The following GIGYF2 variants were observed in gnomAD, a reference collection of about 807,000 sequenced individuals.
GIGYF2 encodes the protein GRB10-interacting GYF protein 2.
In GIGYF2, 25 loss-of-function variants were observed where a neutral mutation model predicts 208.1. The ratio of observed to expected loss-of-function variants is 0.12; its 90% CI spans 0.09 to 0.17. The LOEUF (loss-of-function observed/expected upper bound fraction) is 0.17. Among genes scored for constraint, GIGYF2 ranks in the 10% least tolerant of loss-of-function variants. The pLI is 1.00. For missense variants in GIGYF2, 1,302 were observed against 1,579.4 expected, an observed-to-expected ratio of 0.82 and a Z score of 2.98; for synonymous variants, 534 against 543.8, an observed-to-expected ratio of 0.98 and a Z score of 0.25.
intron 14 of GIGYF2, among the ~76,000 whole-genome samples, chr2:232,805,836 A>G (rs1376419848): frequency 6.6e-6 from 1 of 152,158 alleles, no homozygotes; most frequent in Non-Finnish European, 1.5e-5. Flanking sequence ...TCTGAAGTGG[A>G]AGTTCCAGGG....
intron 19 of GIGYF2, chr2:232,815,960 C>T (rs1014214592): frequency 3.8e-6 from 2 of 531,784 alleles, no homozygotes; most frequent in Admixed American, 6.3e-5. Context: ...GGTTAGTTGG[C>T]ACATTGTTGA....
intron 14 of GIGYF2, among the ~76,000 whole-genome samples, chr2:232,800,032 A>G (rs1332916230): frequency 6.7e-6 from 1 of 150,084 alleles, no homozygotes; most frequent in Non-Finnish European, 1.5e-5. Context: ...CTAATCCCTT[A>G]TAAGATATAT....
At chr2:232,810,368 T>C (rs1329192569) in intron 16 of GIGYF2, 1 of 155,440 alleles carries the variant, frequency 6.4e-6, no homozygotes, top group African/African-American at 2.4e-5. Flanking sequence ...AAGTGCCTCC[T>C]GAGTGGCTCA....
In GIGYF2 at chr2:232,854,508, A is replaced by G. The variant is rs549245112; in HGVS notation, c.3833-2285A>G. Among the ~76,000 whole-genome samples the G allele has an allele frequency of 9.2e-5, 14 of 152,114 alleles. No individual in the cohort carries two copies. In the South Asian group the frequency reaches 1.2e-3, roughly 14 times the overall value. ...ACCTTGTCTTTAAAAATACATATAT[A>G]TGTATATATATATAAACACTAAGGC... On this transcript the variant is annotated intron_variant, in intron 28 of 28. Coordinates refer to ENST00000373563, the MANE Select transcript of GIGYF2 (RefSeq NM_001103146.3).
intron 9 of GIGYF2, 140 bp from the exon 10 acceptor site, chr2:232,790,558 C>G (rs1212058855): frequency 2.6e-6 from 2 of 763,124 alleles, no homozygotes; most frequent in African/African-American, 3.4e-5. Flanking sequence ...CATTTAGTTG[C>G]CTAATGTTCT....
At position 232,833,113 on chromosome 2, in the gene GIGYF2, C is replaced by A; in HGVS notation, c.2766+20C>A. The A allele has an allele frequency of 6.6e-7, 1 of 1,509,690 alleles. No individual in the cohort carries two copies. Among genetic ancestry groups the A allele is most frequent in the Non-Finnish European group, 9.0e-7 (1 of 1,108,988 alleles). 93.5% of individuals were successfully genotyped at this position (1,509,690 alleles called of 1,614,324 possible). A position where few individuals can be genotyped will look rare whatever the true frequency, so the allele number is the denominator to read the frequency against. ...ATGAAGGTAAAGCCCGAGGCATCAACCTTAGGAGCTCCTTGCTAACATTTT... is the reference window on the plus strand; with the variant it reads ...ATGAAGGTAAAGCCCGAGGCATCAAACTTAGGAGCTCCTTGCTAACATTTT... On this transcript the variant is annotated intron_variant, in intron 22 of 28. Coordinates refer to ENST00000373563, the MANE Select transcript of GIGYF2 (RefSeq NM_001103146.3).
chr2:232,739,610 T>G (rs1178283988), intron 3 of GIGYF2, among the ~76,000 whole-genome samples: 2 of 151,548 alleles, frequency 1.3e-5, no homozygotes, highest in Non-Finnish European at 2.9e-5. Flanking sequence ...GCCTGGGAGG[T>G]CAAGGCTGCC....
At chr2:232,822,157 A>C (rs1701103893) in intron 21 of GIGYF2, among the ~76,000 whole-genome samples, 1 of 152,132 alleles carries the variant, frequency 6.6e-6, no homozygotes, top group Admixed American at 6.5e-5. Context: ...TTTCTATATA[A>C]GTAAAAGCCT....
Position 232,832,849 on chromosome 2 carries a change from C to G in GIGYF2, c.2530-8C>G. ...ATTTTTATATCTTTAATTTTTCCTT[C>G]TGGAAAGGAAGAGGAGGCTGCAAAA... On this transcript the variant is annotated splice_polypyrimidine_tract_variant and splice_region_variant and intron_variant, in intron 21 of 28. Coordinates refer to ENST00000373563, the MANE Select transcript of GIGYF2 (RefSeq NM_001103146.3). 6.5e-7 allele frequency: 1 copy of G among 1,540,236 alleles called. No homozygotes were observed. Among genetic ancestry groups the G allele is most frequent in the Non-Finnish European group, 8.8e-7 (1 of 1,138,510 alleles).
At chr2:232,760,288 A>G in intron 6 of GIGYF2, 192 bp from the exon 7 acceptor site, 1 of 573,700 alleles carries the variant, frequency 1.7e-6, no homozygotes. Flanking sequence ...TGTTTCTTTC[A>G]GCCTCTTGTG....
intron 20 of GIGYF2, 97 bp from the exon 21 acceptor site, chr2:232,819,730 C>A: frequency 1.4e-6 from 1 of 725,952 alleles, no homozygotes; most frequent in Non-Finnish European, 2.5e-6. Context: ...AGAGTCTTAG[C>A]AGCAGATAGC....
At chr2:232,787,472 T>A in intron 9 of GIGYF2, 143 bp downstream of exon 9, 1 of 760,942 alleles carries the variant, frequency 1.3e-6, no homozygotes, top group Non-Finnish European at 2.2e-6. Flanking sequence ...GTTTTATTAC[T>A]AGAAAAAATT....
At chr2:232,730,804 A>G (rs1438435790) in intron 2 of GIGYF2, among the ~76,000 whole-genome samples, 2 of 140,684 alleles carry the variant, frequency 1.4e-5, no homozygotes, top group African/African-American at 2.6e-5. Context: ...AGGCTGAGGC[A>G]GGAGAATGGC....
At chr2:232,748,793 A>G (rs1698240587) in intron 4 of GIGYF2, among the ~76,000 whole-genome samples, 194 bp from the exon 5 acceptor site, 1 of 152,192 alleles carries the variant, frequency 6.6e-6, no homozygotes, top group Non-Finnish European at 1.5e-5. Context: ...GGGAGTATTG[A>G]CTGGGGTTTT....
Position 232,796,224 on chromosome 2 carries a change from A to C in GIGYF2, c.1639+3A>C. 5 of 1,581,020 alleles carry C rather than the reference A, an allele frequency of 3.2e-6. No individual in the cohort carries two copies. The highest frequency in any genetic ancestry group is 1.1e-5 in the South Asian group (1 of 90,388). ...AGATCCTCAGGGAGAAATTCAAGGC[A>C]AGTTGTTCCTTTTTCCTTTAAATAC... On this transcript the variant is annotated splice_donor_region_variant and intron_variant, in intron 14 of 28. Coordinates refer to ENST00000373563, the MANE Select transcript of GIGYF2 (RefSeq NM_001103146.3).
intron 22 of GIGYF2, among the ~76,000 whole-genome samples, chr2:232,838,243 C>T (rs370950247): frequency 6.6e-6 from 1 of 150,706 alleles, no homozygotes; most frequent in Admixed American, 6.6e-5. Context: ...AGAGAAAGAG[C>T]GTGTGTATGT....
At chr2:232,728,848 A>G (rs931967078) in intron 2 of GIGYF2, among the ~76,000 whole-genome samples, 16 of 152,238 alleles carry the variant, frequency 1.1e-4, no homozygotes, top group African/African-American at 3.6e-4. Context: ...AAAACAGTCT[A>G]CAGAGGCAGG....
At chr2:232,768,867 C>CT in intron 8 of GIGYF2, 2 of 1,456,738 alleles carry the variant, frequency 1.4e-6, no homozygotes, top group East Asian at 2.4e-5. Flanking sequence ...AATATCAATA[C>CT]TTTTTCTGAA....
At chr2:232,828,371 CT>C (rs766631473) in intron 21 of GIGYF2, among the ~76,000 whole-genome samples, 5,239 of 138,474 alleles carry the variant, frequency 0.038, 240 homozygotes, top group African/African-American at 0.12. Context: ...AATTTATTGA[CT>C]TTTTTTTTTT....
Sources: allele counts gnomAD v4.1 joint callset (sites outside exome capture counted in the v4.1 genomes callset), GRCh38; gene constraint gnomAD v4.1.1; transcripts MANE v1.5; gene names NCBI Gene and HGNC (gene_info 2026-07-23, HGNC 2026-07-21).